Variants in KCNAB1 observed in about 807,000 individuals in gnomAD.
KCNAB1 encodes potassium voltage-gated channel subfamily A regulatory beta subunit 1, also known as voltage-gated potassium channel subunit beta-1.
In KCNAB1, 35 loss-of-function variants were observed where a neutral mutation model predicts 64.6. The observed-to-expected ratio is 0.54, with a 90% CI of 0.41 to 0.72. The LOEUF is 0.72. Ranked by LOEUF, KCNAB1 falls within the 30% of genes least tolerant of loss-of-function variation. KCNAB1 has a pLI of 0.00. For synonymous variants in KCNAB1, 177 were observed against 183.8 expected (o/e 0.96, Z 0.30); for missense variants, 401 against 512.9 (o/e 0.78, Z 2.11).
intron 8 of KCNAB1, among the ~76,000 whole-genome samples, chr3:156,478,130 A>G (rs2108325743): frequency 6.6e-6 from 1 of 152,262 alleles, no homozygotes; most frequent in Non-Finnish European, 1.5e-5. Flanking sequence ...TGGTGAAAAA[A>G]TCATCACCAG....
At chr3:156,256,612 C>T (rs931091619) in intron 1 of KCNAB1, among the ~76,000 whole-genome samples, 2 of 152,264 alleles carry the variant, frequency 1.3e-5, no homozygotes, top group African/African-American at 4.8e-5. Context: ...TCAGCCCATT[C>T]CACTGAAGAC....
At chr3:156,290,842 CA>C in intron 1 of KCNAB1, 3 of 476,922 alleles carry the variant, frequency 6.3e-6, no homozygotes, top group Non-Finnish European at 8.2e-6. Context: ...GAGTTGATTC[CA>C]AAAAGTCTGC....
At chr3:156,362,627 T>C (rs1243378261) in intron 1 of KCNAB1, among the ~76,000 whole-genome samples, 1 of 152,220 alleles carries the variant, frequency 6.6e-6, no homozygotes, top group Non-Finnish European at 1.5e-5. Context: ...TGTAAGATGC[T>C]TAGAACAGTG....
intron 1 of KCNAB1, among the ~76,000 whole-genome samples, chr3:156,150,209 G>A (rs1715320798): frequency 6.6e-6 from 1 of 152,180 alleles, no homozygotes; most frequent in Non-Finnish European, 1.5e-5. Flanking sequence ...GAGGCGTAGT[G>A]AAAGGGGCTT....
intron 2 of KCNAB1, among the ~76,000 whole-genome samples, chr3:156,423,650 A>T (rs1272270424): frequency 6.6e-6 from 1 of 152,132 alleles, no homozygotes; most frequent in African/African-American, 2.4e-5. Context: ...GTCCATAGTT[A>T]TGTGTTTTTC....
At chr3:156,205,567 C>T (rs1714603589) in intron 1 of KCNAB1, among the ~76,000 whole-genome samples, 1 of 152,162 alleles carries the variant, frequency 6.6e-6, no homozygotes, top group African/African-American at 2.4e-5. Flanking sequence ...ATTTTCTTTT[C>T]TCCCCTATAC....
At chr3:156,193,428 G>C (rs1238370335) in intron 1 of KCNAB1, among the ~76,000 whole-genome samples, 1 of 152,118 alleles carries the variant, frequency 6.6e-6, no homozygotes, top group Non-Finnish European at 1.5e-5. Context: ...CCCAACTCTA[G>C]GCAAATGTAA....
At chr3:156,234,618 G>A (rs1249358490) in intron 1 of KCNAB1, among the ~76,000 whole-genome samples, 1 of 152,150 alleles carries the variant, frequency 6.6e-6, no homozygotes, top group African/African-American at 2.4e-5. Flanking sequence ...AAGACAAGGT[G>A]TGAAGAATGG....
intron 1 of KCNAB1, among the ~76,000 whole-genome samples, chr3:156,295,457 G>T (rs932434327): frequency 6.6e-6 from 1 of 152,100 alleles, no homozygotes; most frequent in Non-Finnish European, 1.5e-5. Flanking sequence ...ATTTTAGAAA[G>T]AATTAATGTA....
At chr3:156,501,557 G>C (rs1317344530) in intron 8 of KCNAB1, among the ~76,000 whole-genome samples, 2 of 150,588 alleles carry the variant, frequency 1.3e-5, no homozygotes, top group African/African-American at 4.9e-5. Context: ...TGAGCCTCCT[G>C]AGGATCTGGG....
chr3:156,179,764 T>C (rs563932290), intron 1 of KCNAB1, among the ~76,000 whole-genome samples: 39 of 152,342 alleles, frequency 2.6e-4, no homozygotes, highest in East Asian at 1.5e-3. Context: ...CAGGAAAAGA[T>C]TGAATTGCTT....
intron 1 of KCNAB1, among the ~76,000 whole-genome samples, chr3:156,394,419 T>C (rs1713272439): frequency 1.3e-5 from 2 of 152,176 alleles, no homozygotes; most frequent in Admixed American, 6.5e-5. Context: ...ATGAAAAGCC[T>C]TGGAGGTGTT....
At chr3:156,335,130 C>A (rs1723600282) in intron 1 of KCNAB1, among the ~76,000 whole-genome samples, 1 of 152,212 alleles carries the variant, frequency 6.6e-6, no homozygotes, top group Non-Finnish European at 1.5e-5. Flanking sequence ...GCATCTGGAG[C>A]CTTTGATTTC....
intron 1 of KCNAB1, among the ~76,000 whole-genome samples, chr3:156,334,222 C>T (rs1292320497): frequency 6.6e-6 from 1 of 152,066 alleles, no homozygotes; most frequent in Admixed American, 6.6e-5. Flanking sequence ...AGAACATTCC[C>T]CATTGTGGCA....
intron 8 of KCNAB1, among the ~76,000 whole-genome samples, chr3:156,497,215 G>C (rs921873452): frequency 6.6e-6 from 1 of 152,270 alleles, no homozygotes. Context: ...CCAGTGAGCT[G>C]AGCTGCATGA....
At chr3:156,512,767 T>G (rs191028199) in intron 8 of KCNAB1, among the ~76,000 whole-genome samples, 8 of 152,394 alleles carry the variant, frequency 5.2e-5, no homozygotes, top group Non-Finnish European at 1.5e-5. Flanking sequence ...TTCATAGTTT[T>G]AGTTGCTAGG....
intron 11 of KCNAB1, among the ~76,000 whole-genome samples, chr3:156,522,699 G>C (rs1187600079): frequency 6.6e-6 from 1 of 152,128 alleles, no homozygotes; most frequent in Non-Finnish European, 1.5e-5. Context: ...TATTGTCTTA[G>C]AATAATGAAA....
intron 1 of KCNAB1, among the ~76,000 whole-genome samples, chr3:156,349,236 A>AG (rs1695316066): frequency 6.6e-6 from 1 of 152,212 alleles, no homozygotes; most frequent in Non-Finnish European, 1.5e-5. Flanking sequence ...GAAGAAAAAA[A>AG]GTAGAGAAAT....
chr3:156,269,787 C>A (rs1405867602), intron 1 of KCNAB1, among the ~76,000 whole-genome samples: 2 of 152,122 alleles, frequency 1.3e-5, no homozygotes, highest in East Asian at 3.9e-4. Context: ...ACAGGTGTAG[C>A]TACTCTTGCT....
Sources: gnomAD v4.1 joint callset for allele counts (sites outside exome capture counted in the v4.1 genomes callset) on GRCh38, gnomAD v4.1.1 for gene constraint, MANE v1.5 for transcripts, NCBI Gene and HGNC (gene_info 2026-07-23, HGNC 2026-07-21) for gene names.